The following TRIM9 variants were observed in gnomAD, a reference collection of about 807,000 sequenced individuals.
TRIM9 encodes E3 ubiquitin-protein ligase TRIM9.
A neutral mutation model predicts 78.3 loss-of-function variants in TRIM9; 26 were observed. The ratio of observed to expected loss-of-function variants is 0.33; its 90% CI spans 0.24 to 0.46. TRIM9 has a LOEUF of 0.46. Among genes scored for constraint, TRIM9 ranks in the 20% least tolerant of loss-of-function variants. The probability of loss-of-function intolerance (pLI) is 1.00; values close to 1 mark genes in which losing one functional copy is unlikely to be tolerated. For synonymous variants in TRIM9, 398 were observed against 416.5 expected, an observed-to-expected ratio of 0.96 and a Z score of 0.54; for missense variants, 787 against 1,036.4, an observed-to-expected ratio of 0.76 and a Z score of 3.30.
chr14:51,067,172 G>C (rs1398995699), intron 1 of TRIM9, among the ~76,000 whole-genome samples: 1 of 152,100 alleles, frequency 6.6e-6, no homozygotes, highest in African/African-American at 2.4e-5. Context: ...TGTTAAACTA[G>C]TTCCCTCCCC....
chr14:51,022,899 G>A lies in TRIM9; in HGVS notation c.977C>T (p.Ala326Val). 1.2e-6 allele frequency: 2 copies of A among 1,614,130 alleles called. No individual in the cohort carries two copies. The highest frequency in any genetic ancestry group is 1.7e-6 in the Non-Finnish European group (2 of 1,180,018). The change falls in exon 3 of 13, where the codon GCC (alanine) becomes GTC (valine). Residue 326 changes from alanine to valine, a missense_variant. This residue lies in a region of TRIM9 where 352 missense variants were observed against 472.3 expected (regional missense o/e 0.75). Coordinates refer to ENST00000684578, the MANE Select transcript of TRIM9 (RefSeq NM_001387360.1). ...CAGCTGGGCTTTTCTTCTGTTGAGG[G>A]CATCGATGAGGGCATCACATTGGGC... ...LVAQCDALID[A>V]LNRRKAQLLA...
At chr14:50,988,834 T>C (rs942489106) in intron 7 of TRIM9, among the ~76,000 whole-genome samples, 4 of 152,198 alleles carry the variant, frequency 2.6e-5, no homozygotes, top group Non-Finnish European at 5.9e-5. Context: ...AAGTCATCTA[T>C]ACCACTTCAC....
chr14:50,991,058 T>C (rs1203379456), intron 7 of TRIM9, among the ~76,000 whole-genome samples: 2 of 152,232 alleles, frequency 1.3e-5, no homozygotes, highest in Non-Finnish European at 2.9e-5. Flanking sequence ...AACCTTCTTT[T>C]AGAAGAATGA....
chr14:51,010,496 T>C lies in TRIM9; in HGVS notation c.1042-2A>G. ...GTGAGAGATCTGATCTCGAACCACCTAGGATTAAAAAAAAAACAACAGAAC... is the reference window on the plus strand; with the variant it reads ...GTGAGAGATCTGATCTCGAACCACCCAGGATTAAAAAAAAAACAACAGAAC... On this transcript the variant is annotated splice_acceptor_variant, in intron 3 of 12. Transcript: ENST00000684578. LOFTEE classifies it high-confidence loss of function. 6.2e-7 allele frequency: 1 copy of C among 1,609,136 alleles called. No individual in the cohort carries two copies. Among genetic ancestry groups the C allele is most frequent in the Non-Finnish European group, 8.5e-7 (1 of 1,177,638 alleles).
intron 1 of TRIM9, among the ~76,000 whole-genome samples, chr14:51,081,121 A>G (rs2063269961): frequency 1.3e-5 from 2 of 152,356 alleles, no homozygotes; most frequent in South Asian, 2.1e-4. Flanking sequence ...GTGAATAAGT[A>G]TCCAGCATAA....
intron 1 of TRIM9, among the ~76,000 whole-genome samples, chr14:51,031,055 G>A (rs1398153879): frequency 6.8e-6 from 1 of 146,670 alleles, no homozygotes; most frequent in East Asian, 2.0e-4. Context: ...GGCTTAGGCA[G>A]GAAAATCGCT....
chr14:50,992,793 G>A (rs544114613), intron 7 of TRIM9, among the ~76,000 whole-genome samples: 42 of 152,108 alleles, frequency 2.8e-4, no homozygotes, highest in Non-Finnish European at 5.6e-4. Flanking sequence ...GTCTAATCGG[G>A]GAGAAAGACA....
At chr14:51,015,352 A>C (rs978858249) in intron 3 of TRIM9, among the ~76,000 whole-genome samples, 3 of 152,092 alleles carry the variant, frequency 2.0e-5, no homozygotes, top group Admixed American at 1.3e-4. Context: ...ACCAGAAGCA[A>C]GACCTGAGGT....
intron 5 of TRIM9, among the ~76,000 whole-genome samples, chr14:51,007,134 G>A (rs982943420): frequency 1.3e-5 from 2 of 152,106 alleles, no homozygotes; most frequent in Admixed American, 6.6e-5. Context: ...TCCTCCTCCT[G>A]CCCCCTCACT....
At chr14:51,002,093 G>A (rs1281223461) in intron 5 of TRIM9, among the ~76,000 whole-genome samples, 1 of 149,014 alleles carries the variant, frequency 6.7e-6, no homozygotes, top group East Asian at 1.9e-4. Context: ...TATGTAGTTG[G>A]GAACCATGGT....
At chr14:51,040,723 T>C (rs2059521652) in intron 1 of TRIM9, among the ~76,000 whole-genome samples, 1 of 151,674 alleles carries the variant, frequency 6.6e-6, no homozygotes, top group Non-Finnish European at 1.5e-5. Context: ...ACTTTGATTA[T>C]GAGTTTGAGA....
chr14:51,081,708 C>A (rs1213811549), intron 1 of TRIM9, among the ~76,000 whole-genome samples: 2 of 152,214 alleles, frequency 1.3e-5, no homozygotes, highest in Non-Finnish European at 2.9e-5. Context: ...ATCCCCTTCT[C>A]ACGTTTGATA....
In TRIM9 at chr14:51,008,330, C is replaced by T. The variant is rs1596158046; in HGVS notation, c.1306+750G>A. Among the ~76,000 whole-genome samples the T allele has an allele frequency of 6.6e-5, 10 of 152,288 alleles. 1 individual carries two copies. The South Asian group carries it at 2.1e-3, about 32-fold the overall frequency. On this transcript the variant is annotated intron_variant, in intron 5 of 12. Transcript: ENST00000684578. Reference sequence around the variant, plus strand: ...TGTTATAGCTACAAGATGTAACCATCAAAGCAAGCTGGGTAAAAGATGAAC... The same window carrying T: ...TGTTATAGCTACAAGATGTAACCATTAAAGCAAGCTGGGTAAAAGATGAAC...
chr14:50,998,246 G>T, intron 6 of TRIM9, 58 bp from the exon 7 acceptor site: 1 of 1,559,742 alleles, frequency 6.4e-7, no homozygotes, highest in Admixed American at 1.7e-5. Context: ...AGGGGCGAGG[G>T]AGGCAGTGTC....
At chr14:51,092,596 C>T (rs2064462719) in intron 1 of TRIM9, among the ~76,000 whole-genome samples, 1 of 152,166 alleles carries the variant, frequency 6.6e-6, no homozygotes, top group Non-Finnish European at 1.5e-5. Context: ...AGAAAAGCTC[C>T]TTCCAACCAT....
At chr14:51,092,240 G>A (rs2064418529) in intron 1 of TRIM9, among the ~76,000 whole-genome samples, 1 of 152,200 alleles carries the variant, frequency 6.6e-6, no homozygotes, top group African/African-American at 2.4e-5. Flanking sequence ...AAACAGTGGT[G>A]TGTGCCCAGT....
At chr14:51,005,812 C>G (rs1189694564) in intron 5 of TRIM9, among the ~76,000 whole-genome samples, 1 of 152,080 alleles carries the variant, frequency 6.6e-6, no homozygotes, top group Non-Finnish European at 1.5e-5. Context: ...CGTGCCATTA[C>G]AATTTAGGGA....
At chr14:50,978,218 G>A (rs1055073466) in intron 12 of TRIM9, among the ~76,000 whole-genome samples, 1 of 152,180 alleles carries the variant, frequency 6.6e-6, no homozygotes, top group African/African-American at 2.4e-5. Context: ...AATGAATTTT[G>A]ATAAATAGTT....
intron 10 of TRIM9, 74 bp from the exon 11 acceptor site, chr14:50,982,177 G>A (rs2052017108): frequency 3.9e-6 from 6 of 1,545,134 alleles, no homozygotes; most frequent in East Asian, 2.3e-5. Flanking sequence ...ACTCCTGGGC[G>A]GGTGAGGAGC....
Sources: gnomAD v4.1 joint callset for allele counts (sites outside exome capture counted in the v4.1 genomes callset) on GRCh38, gnomAD v4.1.1 for gene constraint, gnomAD v4.1.1 regional missense constraint, MANE v1.5 for transcripts, NCBI Gene and HGNC (gene_info 2026-07-23, HGNC 2026-07-21) for gene names.